Variants in STUM observed in about 807,000 individuals in gnomAD.
STUM encodes the protein stum, mechanosensory transduction mediator homolog, also known as protein stum homolog.
A neutral mutation model predicts 15.3 loss-of-function variants in STUM; 8 were observed. The ratio of observed to expected loss-of-function variants is 0.52; its 90% CI spans 0.31 to 0.94. The LOEUF is 0.94. Among genes scored for constraint, STUM ranks in the 40% least tolerant of loss-of-function variants. The pLI, the probability that STUM is intolerant of heterozygous loss-of-function variation, is 0.05. For synonymous variants in STUM, 78 were observed against 88.7 expected (o/e 0.88, Z 0.68); for missense variants, 142 against 204.9 (o/e 0.69, Z 1.87).
Position 226,596,829 on chromosome 1 carries a change from T to C in STUM, c.230T>C (p.Leu77Pro). The C allele has an allele frequency of 6.2e-7, 1 of 1,614,140 alleles. No homozygotes were observed. Among genetic ancestry groups the C allele is most frequent in the Non-Finnish European group, 8.5e-7 (1 of 1,179,954 alleles). Reference sequence around the variant, plus strand: ...ACATTCGTCTCGGCCTTCACTGTGCTGTGCGGGGCCCGCACCGACCTCCCG... The same window carrying C: ...ACATTCGTCTCGGCCTTCACTGTGCCGTGCGGGGCCCGCACCGACCTCCCG... ...LGTFVSAFTVLCGARTDLPDR... is the reference protein window; with the variant it reads ...LGTFVSAFTVPCGARTDLPDR... Residue 77 changes from leucine to proline, a missense_variant, in exon 2 of 4, where the codon CTG becomes CCG. This residue lies in a region of STUM where 113 missense variants were observed against 134.4 expected (regional missense o/e 0.84). Coordinates refer to ENST00000366788, the MANE Select transcript of STUM (RefSeq NM_001003665.4).
Position 226,590,357 on chromosome 1 carries a change from C to T in STUM, c.203-6445C>T, listed in dbSNP as rs951461614. Among the ~76,000 whole-genome samples, 5 of 152,136 alleles carry T rather than the reference C, an allele frequency of 3.3e-5. 1 individual carries two copies. In the South Asian group the frequency reaches 6.2e-4, roughly 19 times the overall value. ...GCCACTCTTGGCCTAAGCGAGTCTG[C>T]GATTGCACATGGCCCCTCTCACTGA... On this transcript the variant is annotated intron_variant, in intron 1 of 3. Coordinates refer to ENST00000366788, the MANE Select transcript of STUM (RefSeq NM_001003665.4).
chr1:226,581,309 G>A (rs1347951273), intron 1 of STUM, among the ~76,000 whole-genome samples: 1 of 152,248 alleles, frequency 6.6e-6, no homozygotes, highest in Admixed American at 6.5e-5. Flanking sequence ...ACTGGGCAAT[G>A]AATATTGAAT....
intron 3 of STUM, 28 bp from the exon 4 acceptor site, chr1:226,601,978 C>T (rs1319141525): frequency 1.2e-6 from 2 of 1,607,850 alleles, no homozygotes; most frequent in Non-Finnish European, 1.7e-6. Flanking sequence ...AGGTGTCTAA[C>T]CATCTCTCCT....
chr1:226,564,947 C>A (rs1667598461), intron 1 of STUM, among the ~76,000 whole-genome samples: 1 of 152,206 alleles, frequency 6.6e-6, no homozygotes, highest in African/African-American at 2.4e-5. Context: ...GTGGCTCCCA[C>A]TCCCCTGCCC....
intron 1 of STUM, among the ~76,000 whole-genome samples, chr1:226,587,238 C>A (rs1668012390): frequency 6.6e-6 from 1 of 152,088 alleles, no homozygotes; most frequent in Non-Finnish European, 1.5e-5. Context: ...ATTATTAGCT[C>A]CAGTCGCCTT....
chr1:226,585,314 C>T (rs539414938), intron 1 of STUM, among the ~76,000 whole-genome samples: 50 of 152,364 alleles, frequency 3.3e-4, no homozygotes, highest in African/African-American at 1.2e-3. Context: ...ACTGCCTCCT[C>T]AGAGGACAGT....
At position 226,565,021 on chromosome 1, in the gene STUM, C is replaced by T. The variant is rs1667599538; in HGVS notation, c.202+15915C>T. 6.6e-6 allele frequency among the ~76,000 whole-genome samples: 1 copy of T among 152,184 alleles called. No homozygotes were observed. Among genetic ancestry groups the T allele is most frequent in the African/African-American group, 2.4e-5 (1 of 41,444 alleles). On this transcript the variant is annotated intron_variant, in intron 1 of 3. Transcript: ENST00000366788. The surrounding 1 kb of genome is among the most constrained non-coding windows in gnomAD (Gnocchi z 4.4). ...GACCCGAGGAGGCCGACCTCTACGG[C>T]CTGCATCACCAGTCCCCTTGCCCTC...
At chr1:226,591,501 C>G (rs528656499) in intron 1 of STUM, among the ~76,000 whole-genome samples, 2 of 152,286 alleles carry the variant, frequency 1.3e-5, no homozygotes, top group Admixed American at 1.3e-4. Context: ...AAGCCAAAGC[C>G]TTTGCTAAGG....
At chr1:226,559,760 T>G (rs1667506771) in intron 1 of STUM, among the ~76,000 whole-genome samples, 1 of 152,162 alleles carries the variant, frequency 6.6e-6, no homozygotes. Flanking sequence ...GATCACGAGG[T>G]CAGGAGATCG....
intron 1 of STUM, among the ~76,000 whole-genome samples, chr1:226,587,553 A>G (rs531557924): frequency 1.3e-5 from 2 of 152,114 alleles, no homozygotes; most frequent in Admixed American, 6.5e-5. Context: ...CTCAAACCTC[A>G]CAATCCCAAC....
At chr1:226,569,201 A>G (rs1667668278) in intron 1 of STUM, among the ~76,000 whole-genome samples, 1 of 152,176 alleles carries the variant, frequency 6.6e-6, no homozygotes, top group Non-Finnish European at 1.5e-5. Context: ...TACCTATCTC[A>G]TAGGGCTCTC....
At chr1:226,575,942 CCCTGTCATTTT>C (rs1254710844) in intron 1 of STUM, among the ~76,000 whole-genome samples, 1 of 152,240 alleles carries the variant, frequency 6.6e-6, no homozygotes, top group Non-Finnish European at 1.5e-5. Flanking sequence ...GGGCTGCCAC[CCCTGTCATTTT>C]CCTGTTTGTT....
Position 226,585,419 on chromosome 1 carries a change from A to T in STUM, c.203-11383A>T, listed in dbSNP as rs534281360. On this transcript the variant is annotated intron_variant, in intron 1 of 3. Coordinates refer to ENST00000366788, the MANE Select transcript of STUM (RefSeq NM_001003665.4). ...GCTGTGTTCTAAGTACTTTACCTGC[A>T]TTAATTTAATCCTCACGTTTACCCT... is the stretch of plus-strand genomic sequence containing the variant. 2.6e-5 allele frequency among the ~76,000 whole-genome samples: 4 copies of T among 152,270 alleles called. No individual in the cohort carries two copies. In the South Asian group the frequency reaches 8.3e-4, roughly 32 times the overall value.
rs980939547 is a variant in STUM, at chr1:226,600,210, G to T, written c.383-456G>T. ...GCATGTTGGGAGACTGAGGCAGGAG[G>T]ATCACTTGAGACCAGGAGTTTGAGG... On this transcript the variant is annotated intron_variant, in intron 2 of 3. Coordinates refer to ENST00000366788, the MANE Select transcript of STUM (RefSeq NM_001003665.4). This position sits in a 1 kb window ranked among gnomAD's most constrained non-coding sequence, Gnocchi z 5.2. 3.7e-4 allele frequency among the ~76,000 whole-genome samples: 57 copies of T among 152,196 alleles called. No homozygotes were observed. Among genetic ancestry groups the T allele is most frequent in the African/African-American group, 1.4e-3 (56 of 41,442 alleles).
At chr1:226,585,463 G>A (rs888568521) in intron 1 of STUM, among the ~76,000 whole-genome samples, 4 of 152,156 alleles carry the variant, frequency 2.6e-5, no homozygotes, top group Admixed American at 1.3e-4. Context: ...ATCATTGTGC[G>A]TTTCGTAGAT....
At chr1:226,581,982 C>A (rs1194680294) in intron 1 of STUM, among the ~76,000 whole-genome samples, 2 of 152,232 alleles carry the variant, frequency 1.3e-5, no homozygotes, top group Non-Finnish European at 2.9e-5. Flanking sequence ...TTCCTAACTG[C>A]AGCCTTCTGC....
chr1:226,587,090 T>C (rs1401955095), intron 1 of STUM, among the ~76,000 whole-genome samples: 43 of 152,076 alleles, frequency 2.8e-4, no homozygotes, highest in Non-Finnish European at 1.5e-5. Context: ...TCCAGTTCTG[T>C]AGCGCAGCTC....
chr1:226,571,571 G>T (rs892823491), intron 1 of STUM, among the ~76,000 whole-genome samples: 1 of 152,026 alleles, frequency 6.6e-6, no homozygotes, highest in Non-Finnish European at 1.5e-5. Flanking sequence ...TGCAGTTATA[G>T]TTCATGGATG....
At position 226,565,460 on chromosome 1, in the gene STUM, A is replaced by C. The variant is rs902919290; in HGVS notation, c.202+16354A>C. Among the ~76,000 whole-genome samples the C allele has an allele frequency of 2.0e-5, 3 of 152,076 alleles. No homozygotes were observed. The highest frequency in any genetic ancestry group is 7.2e-5 in the African/African-American group (3 of 41,392). ...GGCATACTACTGCTCCCCCACCGTC[A>C]CTTCTCATCCCACCCACCTCCACCT... On this transcript the variant is annotated intron_variant, in intron 1 of 3. Coordinates refer to ENST00000366788, the MANE Select transcript of STUM (RefSeq NM_001003665.4). This position sits in a 1 kb window ranked among gnomAD's most constrained non-coding sequence, Gnocchi z 4.4.
Sources: gnomAD v4.1 joint callset for allele counts (sites outside exome capture counted in the v4.1 genomes callset) on GRCh38, gnomAD v4.1.1 for gene constraint, gnomAD v4.1.1 regional missense constraint, Gnocchi (gnomAD v3.1) non-coding constraint, MANE v1.5 for transcripts, NCBI Gene and HGNC (gene_info 2026-07-23, HGNC 2026-07-21) for gene names.